Variants in PTER observed in about 807,000 individuals in gnomAD.
PTER encodes N-acetyltaurine hydrolase.
Under a neutral mutation model 29.6 loss-of-function variants are expected in PTER, and 38 were observed. That is an observed-to-expected ratio of 1.28 (90% CI 0.99 to 1.68). The LOEUF is 1.68. Ranked by LOEUF, PTER falls within the 40% of genes most tolerant of loss-of-function variation. The probability of loss-of-function intolerance (pLI) is 0.00; values close to 1 mark genes in which losing one functional copy is unlikely to be tolerated. For missense variants in PTER, 482 were observed against 427.8 expected, an observed-to-expected ratio of 1.13 and a Z score of -1.12; for synonymous variants, 172 against 154.5, an observed-to-expected ratio of 1.11 and a Z score of -0.84.
At chr10:16,491,346 G>A (rs1366971123) in intron 3 of PTER, among the ~76,000 whole-genome samples, 2 of 152,194 alleles carry the variant, frequency 1.3e-5, no homozygotes. Context: ...CAGGGAGGCA[G>A]ATGCAGGCAT....
At chr10:16,483,433 A>C (rs903568507) in intron 1 of PTER, among the ~76,000 whole-genome samples, 4 of 152,172 alleles carry the variant, frequency 2.6e-5, no homozygotes, top group Non-Finnish European at 5.9e-5. Context: ...GGGGAGGGGC[A>C]TATTCTATGA....
At chr10:16,438,859 G>A (rs1459202416) in intron 1 of PTER, among the ~76,000 whole-genome samples, 2 of 148,620 alleles carry the variant, frequency 1.3e-5, no homozygotes, top group Admixed American at 6.8e-5. Context: ...AGGCAGAGGC[G>A]GCTGTGAGCT....
At chr10:16,454,100 AT>A (rs985536672) in intron 1 of PTER, among the ~76,000 whole-genome samples, 1 of 152,104 alleles carries the variant, frequency 6.6e-6, no homozygotes, top group Non-Finnish European at 1.5e-5. Flanking sequence ...GTCTGTGTCT[AT>A]TTTTTTGTGA....
intron 1 of PTER, among the ~76,000 whole-genome samples, chr10:16,454,501 G>A (rs1379521372): frequency 2.6e-5 from 4 of 151,824 alleles, no homozygotes; most frequent in African/African-American, 4.8e-5. Context: ...GCTTGAACCC[G>A]GGAGGCAGAG....
intron 3 of PTER, among the ~76,000 whole-genome samples, chr10:16,491,885 G>T (rs142896887): frequency 7.2e-5 from 11 of 152,218 alleles, no homozygotes; most frequent in Middle Eastern, 3.4e-3. Context: ...ATTGAAGCAG[G>T]TAAATATTTT....
At chr10:16,465,101 G>A (rs919195795) in intron 1 of PTER, among the ~76,000 whole-genome samples, 1 of 152,142 alleles carries the variant, frequency 6.6e-6, no homozygotes, top group Non-Finnish European at 1.5e-5. Context: ...TGGGAATTGT[G>A]GGAGCTACAA....
At chr10:16,438,920 CAA>C (rs71374688) in intron 1 of PTER, among the ~76,000 whole-genome samples, 10 of 101,374 alleles carry the variant, frequency 9.9e-5, no homozygotes, top group African/African-American at 1.1e-4. Flanking sequence ...GACTCTGTCT[CAA>C]AAAAAAAAAA....
At chr10:16,487,454 T>C (rs1162833224) in intron 3 of PTER, among the ~76,000 whole-genome samples, 1 of 152,246 alleles carries the variant, frequency 6.6e-6, no homozygotes, top group African/African-American at 2.4e-5. Flanking sequence ...CAACCACAGT[T>C]GCCATTGGAT....
intron 3 of PTER, among the ~76,000 whole-genome samples, chr10:16,494,135 A>G (rs1206301591): frequency 2.0e-5 from 3 of 152,200 alleles, no homozygotes; most frequent in Non-Finnish European, 4.4e-5. Flanking sequence ...CCTTACATGA[A>G]AAACGCAACC....
At chr10:16,478,682 A>T (rs897899424) in intron 1 of PTER, among the ~76,000 whole-genome samples, 3 of 152,080 alleles carry the variant, frequency 2.0e-5, no homozygotes, top group Admixed American at 1.3e-4. Flanking sequence ...AAACAGAGAA[A>T]TTTGGGAAGC....
rs1836815042 is a variant in PTER, at chr10:16,511,652, C to A, written c.*396C>A. The A allele has an allele frequency of 5.5e-6, 1 of 182,128 alleles. No homozygotes were observed. Among genetic ancestry groups the A allele is most frequent in the South Asian group, 1.3e-4 (1 of 7,912 alleles). The allele number at this position is 182,128 out of a possible 1,614,324, so 11.3% of individuals were successfully genotyped here. A position where few individuals can be genotyped will look rare whatever the true frequency, so the allele number is the denominator to read the frequency against. On this transcript the variant is annotated 3_prime_UTR_variant, in exon 5 of 5. Coordinates refer to ENST00000535784, the MANE Select transcript of PTER (RefSeq NM_001261836.2). The stretch of plus-strand genomic sequence containing the variant: ...AATGTTTCTTGTAATATTGATGATC[C>A]TACTAATTATCCTGCTGTTCTTTAA...
chr10:16,497,480 C>T (rs1211838303), intron 3 of PTER, among the ~76,000 whole-genome samples: 2 of 152,180 alleles, frequency 1.3e-5, no homozygotes, highest in African/African-American at 4.8e-5. Flanking sequence ...TTATTCGTGT[C>T]TATATTCCTA....
rs142114565 is a variant in PTER, at chr10:16,497,437, C to T, written c.699-7583C>T. ...AGCTTAAACATCTTCCTTCTGCAGACTTTAATTTCCTTGAGACAGCATCTT... is the reference window on the plus strand; with the variant it reads ...AGCTTAAACATCTTCCTTCTGCAGATTTTAATTTCCTTGAGACAGCATCTT... On this transcript the variant is annotated intron_variant, in intron 3 of 4. Transcript: ENST00000535784. Among the ~76,000 whole-genome samples the T allele has an allele frequency of 2.0e-5, 3 of 152,342 alleles. No homozygotes were observed. The East Asian group carries it at 5.8e-4, about 29-fold the overall frequency.
At chr10:16,505,262 C>A in intron 4 of PTER, 102 bp downstream of exon 4, 1 of 1,406,164 alleles carries the variant, frequency 7.1e-7, no homozygotes. Context: ...AGTAAGCAGG[C>A]CGAACCACAG....
At chr10:16,484,160 G>A (rs1022881559) in intron 1 of PTER, among the ~76,000 whole-genome samples, 177 bp from the exon 2 acceptor site, 1 of 152,158 alleles carries the variant, frequency 6.6e-6, no homozygotes, top group Non-Finnish European at 1.5e-5. Context: ...ACGTCACTTA[G>A]ATCTGCAGTG....
chr10:16,439,814 C>T (rs778760296), intron 1 of PTER, among the ~76,000 whole-genome samples: 26 of 152,132 alleles, frequency 1.7e-4, no homozygotes, highest in South Asian at 4.1e-4. Flanking sequence ...CTTCCCACCT[C>T]GGCCTCCCAA....
At chr10:16,496,301 G>C (rs1836094587) in intron 3 of PTER, among the ~76,000 whole-genome samples, 1 of 152,122 alleles carries the variant, frequency 6.6e-6, no homozygotes, top group Non-Finnish European at 1.5e-5. Flanking sequence ...CCTCCAATGG[G>C]TCACCTTTGC....
At chr10:16,503,872 A>C (rs1836459626) in intron 3 of PTER, among the ~76,000 whole-genome samples, 1 of 152,208 alleles carries the variant, frequency 6.6e-6, no homozygotes, top group South Asian at 2.1e-4. Flanking sequence ...GAGTTGCCAA[A>C]GTAATAGAAA....
chr10:16,438,589 G>A (rs369647560), intron 1 of PTER, among the ~76,000 whole-genome samples: 1 of 150,572 alleles, frequency 6.6e-6, no homozygotes, highest in Non-Finnish European at 1.5e-5. Flanking sequence ...GATTACAGGC[G>A]TGAGCCACTG....
Sources: gnomAD v4.1 joint callset for allele counts (sites outside exome capture counted in the v4.1 genomes callset) on GRCh38, gnomAD v4.1.1 for gene constraint, MANE v1.5 for transcripts, NCBI Gene and HGNC (gene_info 2026-07-23, HGNC 2026-07-21) for gene names.